The following PDZD2 variants were observed in gnomAD, a reference collection of about 807,000 sequenced individuals.
The protein encoded by PDZD2 is PDZ domain-containing protein 2.
Under a neutral mutation model 220.7 loss-of-function variants are expected in PDZD2, and 90 were observed. The ratio of observed to expected loss-of-function variants is 0.41; its 90% CI spans 0.34 to 0.49. The LOEUF is 0.49. Ranked by LOEUF, PDZD2 falls within the 20% of genes least tolerant of loss-of-function variation. The pLI is 0.28. For synonymous variants in PDZD2, 1,375 were observed against 1,450.5 expected (o/e 0.95, Z 1.18); for missense variants, 3,174 against 3,608.5 (o/e 0.88, Z 3.08).
Position 32,089,799 on chromosome 5 carries a change from G to C in PDZD2, c.6351G>C (p.Gly2117=). The C allele has an allele frequency of 6.2e-7, 1 of 1,614,194 alleles. No homozygotes were observed. Among genetic ancestry groups the C allele is most frequent in the Non-Finnish European group, 8.5e-7 (1 of 1,180,042 alleles). Residue 2117 remains glycine (G), a synonymous_variant, in exon 20 of 25, where the codon GGG becomes GGC. Coordinates refer to ENST00000438447, the MANE Select transcript of PDZD2 (RefSeq NM_178140.4). ...NKPAESDRRG[G]CLAQGNCQEK... ...CAGCTGAAAGCGACAGACGGGGAGG[G>C]TGCTTGGCCCAGGGCAACTGTCAGG... is the stretch of plus-strand genomic sequence containing the variant.
chr5:32,074,221 G>C lies in PDZD2; in HGVS notation c.3115G>C (p.Val1039Leu). 6.2e-7 allele frequency: 1 copy of C among 1,614,218 alleles called. No homozygotes were observed. Among genetic ancestry groups the C allele is most frequent in the African/African-American group, 1.3e-5 (1 of 75,048 alleles). The change falls in exon 18 of 25, where the codon GTG (valine) becomes CTG (leucine). Residue 1039 changes from valine (V) to leucine (L), a missense_variant. Val to Leu is a conservative substitution (Grantham distance 32, BLOSUM62 1). Around this residue, in one of 4 missense-constraint regions of PDZD2, gnomAD observed 1,861 missense variants for 2,001.0 expected, o/e 0.93. Coordinates refer to ENST00000438447, the MANE Select transcript of PDZD2 (RefSeq NM_178140.4). Reference sequence around the variant, plus strand: ...CTCGGCACCTCTTCTTGGTAGCTCAGTGGACTTAGAGGAGAGTATCCCAGA... The same window carrying C: ...CTCGGCACCTCTTCTTGGTAGCTCACTGGACTTAGAGGAGAGTATCCCAGA... ...AISAPLLGSSVDLEESIPEGM... is the reference protein window; with the variant it reads ...AISAPLLGSSLDLEESIPEGM...
chr5:31,952,442 G>A (rs1354604342), intron 2 of PDZD2, among the ~76,000 whole-genome samples: 2 of 152,194 alleles, frequency 1.3e-5, no homozygotes, highest in East Asian at 1.9e-4. Context: ...GCATAAAAAT[G>A]TACTTTAAAG....
At chr5:32,003,333 A>ACCACACACACT (rs1227645986) in intron 5 of PDZD2, among the ~76,000 whole-genome samples, 5 of 11,518 alleles carry the variant, frequency 4.3e-4, no homozygotes, top group Admixed American at 9.5e-4. Flanking sequence ...ACACACCCCC[A>ACCACACACACT]CCACACCACA....
intron 2 of PDZD2, among the ~76,000 whole-genome samples, chr5:31,891,968 T>C (rs1176924220): frequency 2.6e-5 from 4 of 152,048 alleles, no homozygotes; most frequent in Non-Finnish European, 5.9e-5. Flanking sequence ...TGGACTGCAG[T>C]AGTGCGATCA....
rs1317264868 is a variant in PDZD2, at chr5:31,884,221, CTGCA to C, written c.476+84507_476+84510del. Among the ~76,000 whole-genome samples, 85 of 148,244 alleles carry C rather than the reference CTGCA, an allele frequency of 5.7e-4. 1 individual carries two copies. The highest frequency in any genetic ancestry group is 2.0e-3 in the African/African-American group (79 of 40,274). ...GAGCGAGACTCCATCTCAAAAATAA[CTGCA>C]TGCATGCATACATACATACATACAT... On this transcript the variant is annotated intron_variant, in intron 2 of 24. Transcript: ENST00000438447.
At chr5:31,916,517 G>A (rs1299779922) in intron 2 of PDZD2, among the ~76,000 whole-genome samples, 4 of 152,222 alleles carry the variant, frequency 2.6e-5, no homozygotes, top group Admixed American at 6.5e-5. Flanking sequence ...AGCAAGTGAG[G>A]CCAGGTGAGT....
At chr5:31,796,755 G>A (rs551541911) in intron 1 of PDZD2, among the ~76,000 whole-genome samples, 33 of 152,298 alleles carry the variant, frequency 2.2e-4, no homozygotes, top group East Asian at 1.2e-3. Context: ...CCAGTGCCAA[G>A]TTCAAGGACT....
At position 32,090,791 on chromosome 5, in the gene PDZD2, C is replaced by T. The variant is rs1743060441; in HGVS notation, c.7343C>T (p.Pro2448Leu). 1 of 1,614,020 alleles carries T rather than the reference C, an allele frequency of 6.2e-7. No homozygotes were observed. Among genetic ancestry groups the T allele is most frequent in the Non-Finnish European group, 8.5e-7 (1 of 1,180,032 alleles). Residue 2448 changes from proline to leucine, a missense_variant, in exon 20 of 25, where the codon CCT becomes CTT. Pro to Leu is a moderately conservative substitution (Grantham distance 98). Coordinates refer to ENST00000438447, the MANE Select transcript of PDZD2 (RefSeq NM_178140.4). This position sits in a 1 kb window ranked among gnomAD's most constrained non-coding sequence, Gnocchi z 4.3. Reference protein sequence around the residue: ...SDSELKKSLGPLGIPTPTMTL... With the variant: ...SDSELKKSLGLLGIPTPTMTL... ...TCGGAACTAAAGAAATCACTTGGTC[C>T]TTTGGGAATTCCCACCCCAACGATG...
intron 1 of PDZD2, among the ~76,000 whole-genome samples, chr5:31,695,757 G>A (rs1051777747): frequency 6.6e-6 from 1 of 152,084 alleles, no homozygotes; most frequent in African/African-American, 2.4e-5. Flanking sequence ...GATCTGATTG[G>A]GTCTCCTTGG....
intron 1 of PDZD2, among the ~76,000 whole-genome samples, chr5:31,706,004 A>T (rs1007314629): frequency 6.7e-6 from 1 of 150,232 alleles, no homozygotes; most frequent in African/African-American, 2.4e-5. Flanking sequence ...GTGAGCCAAG[A>T]TTATACCACT....
At chr5:32,012,982 A>C (rs1753447327) in intron 6 of PDZD2, among the ~76,000 whole-genome samples, 1 of 152,132 alleles carries the variant, frequency 6.6e-6, no homozygotes, top group Non-Finnish European at 1.5e-5. Flanking sequence ...TGACCAAAAA[A>C]ATCCTAGAGA....
chr5:31,924,106 G>A (rs35888615), intron 2 of PDZD2, among the ~76,000 whole-genome samples: 23,801 of 152,148 alleles, frequency 0.16, 2,018 homozygotes, highest in African/African-American at 0.21. Context: ...AAGAGTTGGA[G>A]CTTCCAAACT....
intron 14 of PDZD2, among the ~76,000 whole-genome samples, chr5:32,065,301 AAAAC>A (rs1740116855): frequency 1.3e-5 from 2 of 152,330 alleles, no homozygotes; most frequent in South Asian, 2.1e-4. Context: ...TTTGTCTCAA[AAAAC>A]AAACAAAAAA....
At chr5:31,705,592 A>G (rs1389238678) in intron 1 of PDZD2, among the ~76,000 whole-genome samples, 3 of 152,242 alleles carry the variant, frequency 2.0e-5, no homozygotes, top group South Asian at 2.1e-4. Context: ...TACGAAAAAT[A>G]TACAGTACCA....
At chr5:31,989,446 G>A (rs1291820105) in intron 3 of PDZD2, among the ~76,000 whole-genome samples, 22 of 100,586 alleles carry the variant, frequency 2.2e-4, no homozygotes, top group African/African-American at 8.0e-4. Flanking sequence ...TTTTTGAGAC[G>A]AAGTCTCACT....
intron 18 of PDZD2, among the ~76,000 whole-genome samples, chr5:32,075,260 A>G (rs1047263963): frequency 6.6e-6 from 1 of 152,232 alleles, no homozygotes; most frequent in African/African-American, 2.4e-5. Flanking sequence ...TGGGCCTGGC[A>G]TGAGCTCCAC....
intron 7 of PDZD2, among the ~76,000 whole-genome samples, chr5:32,043,023 C>T (rs1252846042): frequency 1.3e-5 from 2 of 152,212 alleles, no homozygotes; most frequent in African/African-American, 4.8e-5. Flanking sequence ...AAAGATCTGC[C>T]TCCCAGACAG....
chr5:31,762,211 A>G (rs1449004566), intron 1 of PDZD2, among the ~76,000 whole-genome samples: 3 of 152,220 alleles, frequency 2.0e-5, no homozygotes, highest in Non-Finnish European at 4.4e-5. Flanking sequence ...TCCAAACCAT[A>G]TCATCAGTTT....
chr5:32,055,261 G>C (rs150942220), intron 10 of PDZD2, among the ~76,000 whole-genome samples: 7,045 of 152,162 alleles, frequency 0.046, 253 homozygotes, highest in Non-Finnish European at 0.07. Context: ...GAGTGCAGTG[G>C]TGTGATCATA....
Sources: allele counts gnomAD v4.1 joint callset (sites outside exome capture counted in the v4.1 genomes callset), GRCh38; gene constraint gnomAD v4.1.1; regional missense constraint gnomAD v4.1.1; non-coding constraint Gnocchi (gnomAD v3.1); transcripts MANE v1.5; gene names NCBI Gene and HGNC (gene_info 2026-07-23, HGNC 2026-07-21).